CRY1: variants seen among roughly 807,000 people sequenced by gnomAD.
The protein encoded by CRY1 is cryptochrome-1.
Under a neutral mutation model 76.0 loss-of-function variants are expected in CRY1, and 45 were observed. That is an observed-to-expected ratio of 0.59 (90% CI 0.47 to 0.76). CRY1 has a LOEUF of 0.76. CRY1 is among the 30% of genes least tolerant of loss of function. CRY1 has a pLI of 0.00. For synonymous variants in CRY1, 248 were observed against 244.0 expected (o/e 1.02, Z -0.15); for missense variants, 587 against 716.4 (o/e 0.82, Z 2.06).
chr12:107,009,720 G>C (rs926790213), intron 2 of CRY1, among the ~76,000 whole-genome samples: 2 of 150,742 alleles, frequency 1.3e-5, no homozygotes, highest in Non-Finnish European at 3.0e-5. Flanking sequence ...CTCAGCCTAG[G>C]TAAATATAAT....
intron 1 of CRY1, among the ~76,000 whole-genome samples, chr12:107,025,724 T>C (rs891901568): frequency 5.3e-5 from 8 of 152,152 alleles, no homozygotes; most frequent in Admixed American, 6.5e-5. Flanking sequence ...TCATTTTATA[T>C]GCAATTCCAG....
chr12:107,003,807 A>T (rs1566243082), intron 3 of CRY1, among the ~76,000 whole-genome samples: 1 of 139,004 alleles, frequency 7.2e-6, no homozygotes, highest in Non-Finnish European at 1.6e-5. Context: ...TAAACACTTG[A>T]TTTTTTTTTT....
At chr12:107,002,754 T>C (rs1952325967) in intron 3 of CRY1, among the ~76,000 whole-genome samples, 2 of 152,128 alleles carry the variant, frequency 1.3e-5, no homozygotes, top group African/African-American at 2.4e-5. Flanking sequence ...AGGGACCCTG[T>C]GGGAGGTAAC....
Position 106,999,850 on chromosome 12 carries a change from T to A in CRY1, c.838A>T (p.Ser280Cys), listed in dbSNP as rs1331311481. ...CCATAAAGGGAAAGGGGAGGGGAACTGTTCTTCTTTACCTATGGTTAAAAA... is the reference window on the plus strand; with the variant it reads ...CCATAAAGGGAAAGGGGAGGGGAACAGTTCTTCTTTACCTATGGTTAAAAA... Reference protein sequence around the residue: ...TDLYKKVKKNSSPPLSLYGQL... With the variant: ...TDLYKKVKKNCSPPLSLYGQL... Residue 280 changes from serine to cysteine, a missense_variant, in exon 7 of 13, where the codon AGT becomes TGT. By Grantham distance (112) the Ser-to-Cys change is moderately radical (BLOSUM62 -1). Coordinates refer to ENST00000008527, the MANE Select transcript of CRY1 (RefSeq NM_004075.5). 6.2e-7 allele frequency: 1 copy of A among 1,609,858 alleles called. No individual in the cohort carries two copies. The highest frequency in any genetic ancestry group is 1.3e-5 in the African/African-American group (1 of 74,570).
Position 107,039,169 on chromosome 12 carries a change from T to C in CRY1, c.159-16977A>G, listed in dbSNP as rs1032533539. Among the ~76,000 whole-genome samples, 5 of 152,162 alleles carry C rather than the reference T, an allele frequency of 3.3e-5. No homozygotes were observed. The East Asian group carries it at 7.7e-4, about 24-fold the overall frequency. On this transcript the variant is annotated intron_variant, in intron 1 of 12. Coordinates refer to ENST00000008527, the MANE Select transcript of CRY1 (RefSeq NM_004075.5). The stretch of plus-strand genomic sequence containing the variant: ...AAAATAAGGCCTTCATCTTACACTA[T>C]ACACAAGAATCAGCTCAACATGGAT...
intron 2 of CRY1, among the ~76,000 whole-genome samples, chr12:107,019,129 A>G (rs1178689299): frequency 6.6e-6 from 1 of 152,222 alleles, no homozygotes; most frequent in Non-Finnish European, 1.5e-5. Context: ...TAATGACAGA[A>G]GAATCTTCTC....
chr12:107,018,943 T>C (rs1952524825), intron 2 of CRY1, among the ~76,000 whole-genome samples: 1 of 152,166 alleles, frequency 6.6e-6, no homozygotes, highest in South Asian at 2.1e-4. Flanking sequence ...CTAGGGGAGA[T>C]ATCAGTACTG....
At position 107,022,155 on chromosome 12, in the gene CRY1, G is replaced by A; in HGVS notation, c.196C>T (p.Leu66=). The change falls in exon 2 of 13, where the codon CTA becomes TTA. Residue 66 remains leucine, a synonymous_variant. Transcript: ENST00000008527. ...LQCLEDLDAN[L]RKLNSRLFVI... Reference sequence around the variant, plus strand: ...AACAGACGGGAGTTTAATTTTCGTAGATTGGCATCAAGATCCTCAAGACAC... The same window carrying A: ...AACAGACGGGAGTTTAATTTTCGTAAATTGGCATCAAGATCCTCAAGACAC... The A allele has an allele frequency of 6.2e-7, 1 of 1,602,146 alleles. No homozygotes were observed. Among genetic ancestry groups the A allele is most frequent in the East Asian group, 2.3e-5 (1 of 44,248 alleles).
intron 1 of CRY1, among the ~76,000 whole-genome samples, chr12:107,074,590 T>C (rs1593540086): frequency 6.6e-6 from 1 of 152,182 alleles, no homozygotes; most frequent in African/African-American, 2.4e-5. Flanking sequence ...TGAGAATGAA[T>C]TTTATGTCAA....
At chr12:107,051,202 G>A (rs1180726202) in intron 1 of CRY1, among the ~76,000 whole-genome samples, 1 of 152,040 alleles carries the variant, frequency 6.6e-6, no homozygotes, top group Non-Finnish European at 1.5e-5. Context: ...AAAAACATGT[G>A]TTATGTAGAG....
At chr12:107,011,406 G>C (rs1952442503) in intron 2 of CRY1, among the ~76,000 whole-genome samples, 1 of 151,720 alleles carries the variant, frequency 6.6e-6, no homozygotes, top group African/African-American at 2.4e-5. Context: ...CAAAAGCTAG[G>C]CCATTTGCAC....
At chr12:106,999,039 G>A (rs959136753) in intron 7 of CRY1, among the ~76,000 whole-genome samples, 7 of 120,560 alleles carry the variant, frequency 5.8e-5, no homozygotes, top group Non-Finnish European at 8.1e-5. Flanking sequence ...GAGAGACTCC[G>A]TCTCAAAAAA....
chr12:107,055,941 G>A (rs1474979733), intron 1 of CRY1, among the ~76,000 whole-genome samples: 1 of 152,130 alleles, frequency 6.6e-6, no homozygotes. Context: ...AGGTTATTTA[G>A]ATCAATCTAA....
intron 1 of CRY1, among the ~76,000 whole-genome samples, chr12:107,070,345 T>TG (rs768197213): frequency 2.6e-5 from 4 of 152,084 alleles, no homozygotes; most frequent in Admixed American, 6.6e-5. Flanking sequence ...TTAGTGCTTG[T>TG]GGGAAAAAAA....
At chr12:107,084,692 C>G (rs1462572357) in intron 1 of CRY1, among the ~76,000 whole-genome samples, 1 of 152,130 alleles carries the variant, frequency 6.6e-6, no homozygotes, top group Non-Finnish European at 1.5e-5. Context: ...TAAAGACTTA[C>G]ATGTAAAACC....
chr12:107,037,314 C>T (rs1480795870), intron 1 of CRY1, among the ~76,000 whole-genome samples: 1 of 152,066 alleles, frequency 6.6e-6, no homozygotes, highest in Non-Finnish European at 1.5e-5. Flanking sequence ...GGTGGATCAC[C>T]TGAGGTCAGG....
chr12:107,049,239 T>C (rs934846009), intron 1 of CRY1, among the ~76,000 whole-genome samples: 2 of 152,220 alleles, frequency 1.3e-5, no homozygotes, highest in Non-Finnish European at 1.5e-5. Context: ...TGCTAAAAAT[T>C]CTGCTCAGTC....
intron 1 of CRY1, among the ~76,000 whole-genome samples, chr12:107,078,989 CTAG>C (rs1179602694): frequency 2.0e-5 from 3 of 152,138 alleles, no homozygotes; most frequent in African/African-American, 7.2e-5. Context: ...AGTCTCCAAA[CTAG>C]TATCTTGACT....
rs1303504554 is a variant in CRY1 at position 106,993,050 on chromosome 12, A to C, written c.1586-14T>G. 1.2e-6 allele frequency: 2 copies of C among 1,612,554 alleles called. No individual in the cohort carries two copies. The highest frequency in any genetic ancestry group is 1.1e-5 in the South Asian group (1 of 90,980). On this transcript the variant is annotated splice_polypyrimidine_tract_variant and intron_variant, in intron 10 of 12. Coordinates refer to ENST00000008527, the MANE Select transcript of CRY1 (RefSeq NM_004075.5). ...CTTGAGAGCAACCTGTTAGTATTTA[A>C]AACACAGTAAAATTACTTAAAATCA...
Sources: allele counts gnomAD v4.1 joint callset (sites outside exome capture counted in the v4.1 genomes callset), GRCh38; gene constraint gnomAD v4.1.1; transcripts MANE v1.5; gene names NCBI Gene and HGNC (gene_info 2026-07-23, HGNC 2026-07-21).